The following PDE1A variants were observed in gnomAD, a reference collection of about 807,000 sequenced individuals.
The protein encoded by PDE1A is dual specificity calcium/calmodulin-dependent 3',5'-cyclic nucleotide phosphodiesterase 1A.
PDE1A carries 35 observed loss-of-function variants against 61.7 expected under a neutral mutation model. The observed-to-expected ratio is 0.57, with a 90% CI of 0.43 to 0.75. The LOEUF is 0.75. PDE1A is among the 30% of genes least tolerant of loss of function. The probability of loss-of-function intolerance (pLI) is 0.00; values close to 1 mark genes in which losing one functional copy is unlikely to be tolerated. For missense variants in PDE1A, 597 were observed against 630.6 expected (o/e 0.95, Z 0.57); for synonymous variants, 232 against 213.2 (o/e 1.09, Z -0.77).
intron 2 of PDE1A, among the ~76,000 whole-genome samples, chr2:182,504,575 C>T (rs1034949729): frequency 6.6e-6 from 1 of 152,114 alleles, no homozygotes. Context: ...ATATTTTAAT[C>T]TCTTAAACTG....
chr2:182,206,129 A>T (rs1687081816), intron 7 of PDE1A, 64 bp from the exon 8 acceptor site: 3 of 1,364,708 alleles, frequency 2.2e-6, no homozygotes, highest in Non-Finnish European at 3.0e-6. Flanking sequence ...GTCTAATAAG[A>T]CTTACTCAAG....
chr2:182,714,438 C>G, the PDE1A span, among the ~76,000 whole-genome samples: 2 of 152,154 alleles, frequency 1.3e-5, no homozygotes, highest in Admixed American at 6.5e-5. Flanking sequence ...CTAGATATGT[C>G]CAAGTCAGAA....
intron 1 of PDE1A, among the ~76,000 whole-genome samples, chr2:182,363,147 A>G (rs1316716253): frequency 6.6e-6 from 1 of 152,002 alleles, no homozygotes; most frequent in Non-Finnish European, 1.5e-5. Context: ...AATAATCTGT[A>G]CAACAGATCT....
At chr2:182,153,682 C>G (rs1690914007) in intron 13 of PDE1A, among the ~76,000 whole-genome samples, 1 of 152,090 alleles carries the variant, frequency 6.6e-6, no homozygotes, top group African/African-American at 2.4e-5. Context: ...GAAGTTAAGA[C>G]CATTCAAATC....
chr2:182,360,447 C>T (rs926470745), intron 1 of PDE1A, among the ~76,000 whole-genome samples: 5 of 151,516 alleles, frequency 3.3e-5, no homozygotes, highest in Non-Finnish European at 7.4e-5. Flanking sequence ...CTCACTGGAA[C>T]ACTCTGAATT....
At chr2:182,625,411 C>T in the PDE1A span, among the ~76,000 whole-genome samples, 1 of 152,166 alleles carries the variant, frequency 6.6e-6, no homozygotes, top group Non-Finnish European at 1.5e-5. Context: ...GTTAGTTTAA[C>T]TTTTTCTGAC....
the PDE1A span, among the ~76,000 whole-genome samples, chr2:182,602,964 G>A: frequency 5.3e-5 from 8 of 149,696 alleles, no homozygotes; most frequent in African/African-American, 2.0e-4. Context: ...CTGACACTCG[G>A]GTTGCCCTAA....
intron 2 of PDE1A, among the ~76,000 whole-genome samples, chr2:182,472,415 G>A (rs748829787): frequency 3.3e-5 from 5 of 151,872 alleles, no homozygotes; most frequent in Admixed American, 6.6e-5. Context: ...GCAGCAACAC[G>A]GATGGAACTG....
At chr2:182,612,210 CGTT>C in the PDE1A span, among the ~76,000 whole-genome samples, 9 of 152,204 alleles carry the variant, frequency 5.9e-5, no homozygotes, top group Admixed American at 1.3e-4. Context: ...ACAATTCAGT[CGTT>C]GTGAATCATG....
At chr2:182,503,074 TACACAC>T (rs1689191029) in intron 2 of PDE1A, among the ~76,000 whole-genome samples, 1 of 8,296 alleles carries the variant, frequency 1.2e-4, no homozygotes, top group Non-Finnish European at 3.8e-4. Context: ...CACACACACA[TACACAC>T]ACACACAGCA....
chr2:182,432,334 T>C (rs1703994468), intron 2 of PDE1A, among the ~76,000 whole-genome samples: 3 of 152,134 alleles, frequency 2.0e-5, no homozygotes, highest in Admixed American at 2.0e-4. Context: ...CCAGAATACT[T>C]TTCATCCCCA....
intron 2 of PDE1A, among the ~76,000 whole-genome samples, chr2:182,499,905 A>G (rs1429986375): frequency 1.3e-5 from 2 of 152,194 alleles, no homozygotes; most frequent in Non-Finnish European, 2.9e-5. Context: ...CCCAGAATGA[A>G]AGCAAAGGGC....
At chr2:182,224,490 AAC>A (rs1298739431) in intron 6 of PDE1A, among the ~76,000 whole-genome samples, 3 of 151,958 alleles carry the variant, frequency 2.0e-5, no homozygotes, top group Non-Finnish European at 2.9e-5. Context: ...TTCTATTCAT[AAC>A]ACATAAAAAT....
the PDE1A span, among the ~76,000 whole-genome samples, chr2:182,548,339 G>C: frequency 4.6e-5 from 7 of 152,058 alleles, no homozygotes; most frequent in Non-Finnish European, 1.0e-4. Context: ...CCAAAACAAC[G>C]GCAAGCTTGA....
chr2:182,399,835 A>G (rs993829231), intron 1 of PDE1A, among the ~76,000 whole-genome samples: 1 of 152,102 alleles, frequency 6.6e-6, no homozygotes, highest in Non-Finnish European at 1.5e-5. Flanking sequence ...TGTAATGGCA[A>G]TCATTAAGAT....
chr2:182,182,618 C>T (rs1684863115), intron 13 of PDE1A, among the ~76,000 whole-genome samples: 1 of 152,074 alleles, frequency 6.6e-6, no homozygotes, highest in African/African-American at 2.4e-5. Flanking sequence ...GGTTTCCTGT[C>T]TTTCTCGGGC....
chr2:182,459,014 A>G (rs375190329), intron 2 of PDE1A, among the ~76,000 whole-genome samples: 4 of 152,254 alleles, frequency 2.6e-5, no homozygotes, highest in Admixed American at 1.3e-4. Flanking sequence ...AGCACTTCAC[A>G]TTAACATAAT....
the PDE1A span, among the ~76,000 whole-genome samples, chr2:182,605,476 A>G: frequency 6.6e-6 from 1 of 152,246 alleles, no homozygotes; most frequent in African/African-American, 2.4e-5. Flanking sequence ...CTGTGGAAAC[A>G]CAGGAATGGA....
the PDE1A span, among the ~76,000 whole-genome samples, chr2:182,536,143 A>T: frequency 2.6e-5 from 4 of 152,288 alleles, no homozygotes; most frequent in South Asian, 8.3e-4. Context: ...TACAATCTAA[A>T]CTCACACTTC....
Sources: gnomAD v4.1 joint callset for allele counts (sites outside exome capture counted in the v4.1 genomes callset) on GRCh38, gnomAD v4.1.1 for gene constraint, MANE v1.5 for transcripts, NCBI Gene and HGNC (gene_info 2026-07-23, HGNC 2026-07-21) for gene names.